COL4A2: variants seen among roughly 807,000 people sequenced by gnomAD.
COL4A2 encodes collagen alpha-2(IV) chain.
COL4A2 carries 99 observed loss-of-function variants against 200.2 expected under a neutral mutation model. The observed-to-expected ratio is 0.49, with a 90% CI of 0.42 to 0.58. COL4A2 has a LOEUF of 0.58. Ranked by LOEUF, COL4A2 falls within the 20% of genes least tolerant of loss-of-function variation. COL4A2 has a pLI of 0.00. For synonymous variants in COL4A2, 897 were observed against 900.6 expected (o/e 1.00, Z 0.07); for missense variants, 1,950 against 2,314.1 (o/e 0.84, Z 3.23).
At chr13:110,424,102 C>G (rs1180988181) in intron 4 of COL4A2, among the ~76,000 whole-genome samples, 1 of 152,094 alleles carries the variant, frequency 6.6e-6, no homozygotes, top group Admixed American at 6.5e-5. Flanking sequence ...TGTTAAGGAG[C>G]CGCCAGAGTG....
rs565553739 is a variant in COL4A2, at chr13:110,361,552, A to G, written c.180+4000A>G. Among the ~76,000 whole-genome samples, 7 of 152,358 alleles carry G rather than the reference A, an allele frequency of 4.6e-5. No homozygotes were observed. The South Asian group carries it at 1.2e-3, about 27-fold the overall frequency. On this transcript the variant is annotated intron_variant, in intron 4 of 47. Transcript: ENST00000360467. ...GTGCGTCACCATGGTGACAGCCAACATCGGAAGTTGTACGTCACTGGATAA... is the reference window on the plus strand; with the variant it reads ...GTGCGTCACCATGGTGACAGCCAACGTCGGAAGTTGTACGTCACTGGATAA...
At chr13:110,386,568 G>A (rs1263929476) in intron 4 of COL4A2, among the ~76,000 whole-genome samples, 2 of 152,190 alleles carry the variant, frequency 1.3e-5, no homozygotes, top group Admixed American at 1.3e-4. Flanking sequence ...AAGGCAACTA[G>A]TGCACCATAT....
chr13:110,484,851 TCTC>T, intron 32 of COL4A2, 51 bp from the exon 33 acceptor site: 1 of 1,533,418 alleles, frequency 6.5e-7, no homozygotes, highest in Non-Finnish European at 8.8e-7. Flanking sequence ...TCACCTGTGT[TCTC>T]CTGCGTGGTC....
chr13:110,457,367 C>G lies in COL4A2; in HGVS notation c.1364C>G (p.Ala455Gly). The G allele has an allele frequency of 6.2e-7, 1 of 1,613,230 alleles. No individual in the cohort carries two copies. Among genetic ancestry groups the G allele is most frequent in the Non-Finnish European group, 8.5e-7 (1 of 1,179,276 alleles). Residue 455 changes from alanine (A) to glycine (G), a missense_variant, in exon 21 of 48, where the codon GCA (alanine) becomes GGA (glycine). Ala to Gly is a moderately conservative substitution (Grantham distance 60, BLOSUM62 0). This residue lies in a region of COL4A2 where 1,385 missense variants were observed against 1,720.5 expected (regional missense o/e 0.80). Coordinates refer to ENST00000360467, the MANE Select transcript of COL4A2 (RefSeq NM_001846.4). ...GGCTTCCTGTTTGGGCTGAAAGGAG[C>G]AAAAGGAAGAGCAGGCTTCCCTGGG... is the stretch of plus-strand genomic sequence containing the variant. Reference protein sequence around the residue: ...PDGFLFGLKGAKGRAGFPGLP... With the variant: ...PDGFLFGLKGGKGRAGFPGLP...
At chr13:110,460,897 G>A (rs59006933) in intron 22 of COL4A2, among the ~76,000 whole-genome samples, 1,703 of 152,266 alleles carry the variant, frequency 0.011, 29 homozygotes, top group African/African-American at 0.038. Context: ...AAGTAATGTT[G>A]CAAAGCACTA....
intron 3 of COL4A2, among the ~76,000 whole-genome samples, chr13:110,337,222 G>A (rs1260498626): frequency 6.6e-6 from 1 of 152,204 alleles, no homozygotes; most frequent in Non-Finnish European, 1.5e-5. Context: ...CATGGGCGCC[G>A]GAAGTTTTAG....
At position 110,473,203 on chromosome 13, in the gene COL4A2, C is replaced by T. The variant is rs533697981; in HGVS notation, c.2425+53C>T. 7.3e-6 allele frequency: 11 copies of T among 1,504,620 alleles called. No homozygotes were observed. In the South Asian group the frequency reaches 1.1e-4, roughly 15 times the overall value. 93.2% of individuals were successfully genotyped at this position (1,504,620 alleles called of 1,614,324 possible). A position where few individuals can be genotyped will look rare whatever the true frequency, so the allele number is the denominator to read the frequency against. On this transcript the variant is annotated intron_variant, in intron 29 of 47. Transcript: ENST00000360467. The stretch of plus-strand genomic sequence containing the variant: ...CCCCATCCCAGATGCACAGTGGCCT[C>T]CAAGGGCGACCCCAATCCCTTCCGG...
intron 4 of COL4A2, among the ~76,000 whole-genome samples, chr13:110,389,416 G>A (rs1003590159): frequency 5.9e-5 from 9 of 152,184 alleles, no homozygotes; most frequent in Admixed American, 3.3e-4. Flanking sequence ...GTGCGTGTGC[G>A]AGAATCCACC....
rs200617667 is a variant in COL4A2, at chr13:110,361,024, A to G, written c.180+3472A>G. ...GGTGAGACCCTGAACATTCACTGATAAAGTGATAGAAATAGCTGATGATAA... is the reference window on the plus strand; with the variant it reads ...GGTGAGACCCTGAACATTCACTGATGAAGTGATAGAAATAGCTGATGATAA... On this transcript the variant is annotated intron_variant, in intron 4 of 47. Coordinates refer to ENST00000360467, the MANE Select transcript of COL4A2 (RefSeq NM_001846.4). 3.3e-5 allele frequency among the ~76,000 whole-genome samples: 5 copies of G among 152,372 alleles called. No individual in the cohort carries two copies. In the East Asian group the frequency reaches 9.6e-4, roughly 29 times the overall value.
In COL4A2 at chr13:110,319,014, T is replaced by C. The variant is rs1885214752; in HGVS notation, c.99+10891T>C. On this transcript the variant is annotated intron_variant, in intron 3 of 47. Coordinates refer to ENST00000360467, the MANE Select transcript of COL4A2 (RefSeq NM_001846.4). ...CCCATTCTCACGTATTTCTTGGTCA[T>C]CCTTGAAGGGCCTCTCCTGAGTGCA... 2.6e-5 allele frequency among the ~76,000 whole-genome samples: 4 copies of C among 152,148 alleles called. No individual in the cohort carries two copies. The South Asian group carries it at 8.3e-4, about 32-fold the overall frequency.
chr13:110,475,737 A>G (rs4331226), intron 29 of COL4A2, among the ~76,000 whole-genome samples: 123,753 of 152,228 alleles, frequency 0.81, 50,363 homozygotes, highest in Middle Eastern at 0.9. Context: ...CTGGCTGTGC[A>G]GGACGGCCAC....
chr13:110,315,170 A>G (rs919711103), intron 3 of COL4A2, among the ~76,000 whole-genome samples: 3 of 150,028 alleles, frequency 2.0e-5, no homozygotes, highest in Admixed American at 1.3e-4. Flanking sequence ...GGGGATAAGG[A>G]TGGCCTGTCC....
intron 16 of COL4A2, among the ~76,000 whole-genome samples, chr13:110,441,803 A>T (rs1881132529): frequency 6.6e-6 from 1 of 152,006 alleles, no homozygotes; most frequent in South Asian, 2.1e-4. Flanking sequence ...TAGTATTTAA[A>T]AGTGCATTTC....
chr13:110,479,804 G>A (rs1594098734), intron 30 of COL4A2, among the ~76,000 whole-genome samples: 1 of 152,198 alleles, frequency 6.6e-6, no homozygotes, highest in Non-Finnish European at 1.5e-5. Flanking sequence ...AGCAGCAAAT[G>A]GGCAGCTGGA....
At chr13:110,459,191 C>T (rs188481610) in intron 22 of COL4A2, 48 of 368,352 alleles carry the variant, frequency 1.3e-4, no homozygotes, top group African/African-American at 7.8e-4. Context: ...GGGGTCACCA[C>T]GTGACCCAGA....
rs1280993059 is a variant in COL4A2 at position 110,430,626 on chromosome 13, G to A, written c.648+19G>A. 6.2e-7 allele frequency: 1 copy of A among 1,614,126 alleles called. No homozygotes were observed. ...GAGACCAGTAAGTACCTGGACACAGGTGCCCACTCTGGGACCATCGTCCGG... is the reference window on the plus strand; with the variant it reads ...GAGACCAGTAAGTACCTGGACACAGATGCCCACTCTGGGACCATCGTCCGG... On this transcript the variant is annotated intron_variant, in intron 10 of 47. Coordinates refer to ENST00000360467, the MANE Select transcript of COL4A2 (RefSeq NM_001846.4).
chr13:110,442,350 T>C (rs893223039), intron 16 of COL4A2, among the ~76,000 whole-genome samples: 1 of 152,168 alleles, frequency 6.6e-6, no homozygotes, highest in Admixed American at 6.5e-5. Flanking sequence ...AAATGGGAAA[T>C]AGGCAGACAT....
chr13:110,428,623 G>A, intron 7 of COL4A2, 40 bp downstream of exon 7: 1 of 1,222,434 alleles, frequency 8.2e-7, no homozygotes, highest in Non-Finnish European at 1.1e-6. Flanking sequence ...GGGACGGGCA[G>A]ACCCCTGCTA....
At chr13:110,406,164 C>T (rs925868957) in intron 4 of COL4A2, among the ~76,000 whole-genome samples, 1 of 152,202 alleles carries the variant, frequency 6.6e-6, no homozygotes, top group African/African-American at 2.4e-5. Flanking sequence ...CCATAATTCC[C>T]AAATGTAAAC....
Sources: gnomAD v4.1 joint callset for allele counts (sites outside exome capture counted in the v4.1 genomes callset) on GRCh38, gnomAD v4.1.1 for gene constraint, gnomAD v4.1.1 regional missense constraint, MANE v1.5 for transcripts, NCBI Gene and HGNC (gene_info 2026-07-23, HGNC 2026-07-21) for gene names.